NCAM1: variants seen among roughly 807,000 people sequenced by gnomAD.
The protein encoded by NCAM1 is antigen recognized by monoclonal antibody 5.1H11.
Under a neutral mutation model 109.8 loss-of-function variants are expected in NCAM1, and 14 were observed. The ratio of observed to expected loss-of-function variants is 0.13; its 90% CI spans 0.08 to 0.20. NCAM1 has a LOEUF of 0.20. NCAM1 is among the 10% of genes least tolerant of loss of function. The pLI is 1.00. For synonymous variants in NCAM1, 418 were observed against 442.9 expected (o/e 0.94, Z 0.70); for missense variants, 774 against 1,109.9 (o/e 0.70, Z 4.30).
intron 1 of NCAM1, among the ~76,000 whole-genome samples, chr11:113,165,339 G>A (rs575764697): frequency 6.6e-6 from 1 of 152,300 alleles, no homozygotes; most frequent in South Asian, 2.1e-4. Flanking sequence ...TAATTTCTAA[G>A]TCCTCTTTAG....
chr11:113,253,658 GC>G (rs1319181683), intron 15 of NCAM1, among the ~76,000 whole-genome samples: 77 of 152,250 alleles, frequency 5.1e-4, no homozygotes, highest in African/African-American at 1.8e-3. Context: ...AGCCAGGGAG[GC>G]CCCAGTGGAC....
chr11:113,083,956 A>G (rs558082774), intron 1 of NCAM1, among the ~76,000 whole-genome samples: 1 of 152,352 alleles, frequency 6.6e-6, no homozygotes, highest in Non-Finnish European at 1.5e-5. Context: ...AGGCATTTTA[A>G]TAGAAATGAG....
chr11:113,084,908 A>T (rs1182292173), intron 1 of NCAM1, among the ~76,000 whole-genome samples: 1 of 152,234 alleles, frequency 6.6e-6, no homozygotes, highest in Admixed American at 6.5e-5. Flanking sequence ...ACAGTTGCTG[A>T]CACATAGTAA....
intron 1 of NCAM1, among the ~76,000 whole-genome samples, chr11:112,982,290 A>G (rs1954826): frequency 0.45 from 68,439 of 151,748 alleles, 16,311 homozygotes; most frequent in East Asian, 0.8. Flanking sequence ...AGATCTAAAA[A>G]AGGAATAGAT....
chr11:113,167,075 G>T (rs1942826516), intron 1 of NCAM1, among the ~76,000 whole-genome samples: 1 of 152,072 alleles, frequency 6.6e-6, no homozygotes, highest in African/African-American at 2.4e-5. Context: ...AAACACACAG[G>T]ATATGCCACT....
intron 1 of NCAM1, among the ~76,000 whole-genome samples, chr11:113,197,661 A>G (rs904652532): frequency 2.6e-5 from 4 of 152,172 alleles, no homozygotes; most frequent in Non-Finnish European, 5.9e-5. Flanking sequence ...ACTTTATAAC[A>G]TCTTGACAAG....
chr11:113,227,206 G>T (rs564709704), intron 9 of NCAM1, among the ~76,000 whole-genome samples: 2 of 151,950 alleles, frequency 1.3e-5, no homozygotes, highest in African/African-American at 4.8e-5. Context: ...AAGAAGAAAA[G>T]AGAGAAGAAT....
intron 16 of NCAM1, chr11:113,259,944 T>C (rs1945940295): frequency 1.5e-5 from 7 of 468,134 alleles, no homozygotes; most frequent in Non-Finnish European, 1.9e-5. Flanking sequence ...CCTCAAGTGA[T>C]CCACCCGCCT....
In NCAM1 at chr11:113,170,112, A is replaced by G. The variant is rs117131328; in HGVS notation, c.53-32267A>G. The stretch of plus-strand genomic sequence containing the variant: ...TTTCAAATCGTTTGACAATTGCCAG[A>G]TTATTGAGAACTCATAGCAGCCTGA... On this transcript the variant is annotated intron_variant, in intron 1 of 19. Coordinates refer to ENST00000316851, the MANE Select transcript of NCAM1 (RefSeq NM_181351.5). Among the ~76,000 whole-genome samples, 38 of 152,270 alleles carry G rather than the reference A, an allele frequency of 2.5e-4. No homozygotes were observed. In the East Asian group the frequency reaches 7.1e-3, roughly 29 times the overall value.
At chr11:113,033,799 T>G (rs782326768) in intron 1 of NCAM1, among the ~76,000 whole-genome samples, 4 of 152,240 alleles carry the variant, frequency 2.6e-5, no homozygotes, top group African/African-American at 4.8e-5. Flanking sequence ...TGGTGGATAC[T>G]GAAGACATGA....
chr11:113,096,754 A>C (rs1555090512), intron 1 of NCAM1, among the ~76,000 whole-genome samples: 1 of 152,050 alleles, frequency 6.6e-6, no homozygotes, highest in African/African-American at 2.4e-5. Flanking sequence ...CAGAGCCCTC[A>C]TCCCACGACT....
chr11:113,097,066 C>G (rs551955414), intron 1 of NCAM1, among the ~76,000 whole-genome samples: 2 of 152,182 alleles, frequency 1.3e-5, no homozygotes, highest in Non-Finnish European at 2.9e-5. Flanking sequence ...GAAAGTCTTG[C>G]AAGACGGCAG....
At chr11:113,213,629 T>G (rs1565503746) in intron 7 of NCAM1, among the ~76,000 whole-genome samples, 1 of 152,178 alleles carries the variant, frequency 6.6e-6, no homozygotes, top group Non-Finnish European at 1.5e-5. Flanking sequence ...CTCCTTGCCC[T>G]CTGTTCAGTT....
intron 1 of NCAM1, among the ~76,000 whole-genome samples, chr11:113,070,474 T>A (rs59658576): frequency 0.015 from 2,306 of 152,076 alleles, 57 homozygotes; most frequent in African/African-American, 0.052. Flanking sequence ...TATTTTAAAG[T>A]GGATTCTACA....
intron 9 of NCAM1, among the ~76,000 whole-genome samples, chr11:113,224,582 G>A (rs1944781677): frequency 2.0e-5 from 3 of 152,214 alleles, no homozygotes; most frequent in Non-Finnish European, 4.4e-5. Context: ...TTGGAAGACA[G>A]CAGTGGTTCT....
At chr11:113,256,143 C>A in intron 16 of NCAM1, 142 bp downstream of exon 16, 1 of 1,133,162 alleles carries the variant, frequency 8.8e-7, no homozygotes, top group Non-Finnish European at 1.2e-6. Flanking sequence ...TGGGCCCTGG[C>A]CATGGCTTAA....
At chr11:112,979,789 A>G (rs1184158391) in intron 1 of NCAM1, among the ~76,000 whole-genome samples, 2 of 151,874 alleles carry the variant, frequency 1.3e-5, no homozygotes, top group African/African-American at 4.8e-5. Flanking sequence ...TGTTTAACGG[A>G]CATAATTTTT....
intron 1 of NCAM1, among the ~76,000 whole-genome samples, chr11:113,128,813 G>A (rs1429773115): frequency 1.3e-5 from 2 of 152,074 alleles, no homozygotes; most frequent in Non-Finnish European, 2.9e-5. Flanking sequence ...ATGGGCGTGG[G>A]GGTACAGGCC....
In NCAM1 at chr11:113,206,188, G is replaced by C. The variant is rs781929864; in HGVS notation, c.628+8G>C. ...TTCAGGTCATTGTGAATGGTGAGGA[G>C]AGTCCGTTCTTCCTGATCTCTGCAT... On this transcript the variant is annotated splice_region_variant and intron_variant, in intron 5 of 19. Transcript: ENST00000316851. The C allele has an allele frequency of 6.2e-7, 1 of 1,602,986 alleles. No individual in the cohort carries two copies. The highest frequency in any genetic ancestry group is 8.5e-7 in the Non-Finnish European group (1 of 1,175,294).
Sources: gnomAD v4.1 joint callset for allele counts (sites outside exome capture counted in the v4.1 genomes callset) on GRCh38, gnomAD v4.1.1 for gene constraint, MANE v1.5 for transcripts, NCBI Gene and HGNC (gene_info 2026-07-23, HGNC 2026-07-21) for gene names.